The following PAPPA variants were observed in gnomAD, a reference collection of about 807,000 sequenced individuals.
PAPPA encodes the protein pappalysin 1, also known as pappalysin-1.
In PAPPA, 60 loss-of-function variants were observed where a neutral mutation model predicts 164.0. That is an observed-to-expected ratio of 0.37 (90% CI 0.30 to 0.45). The LOEUF (loss-of-function observed/expected upper bound fraction) is 0.45. Among genes scored for constraint, PAPPA ranks in the 20% least tolerant of loss-of-function variants. The pLI, the probability that PAPPA is intolerant of heterozygous loss-of-function variation, is 1.00. For missense variants in PAPPA, 1,782 were observed against 2,087.3 expected (o/e 0.85, Z 2.85); for synonymous variants, 875 against 814.1 (o/e 1.07, Z -1.27).
chr9:116,340,620 G>T (rs1385100954), intron 13 of PAPPA, among the ~76,000 whole-genome samples: 1 of 152,092 alleles, frequency 6.6e-6, no homozygotes, highest in African/African-American at 2.4e-5. Context: ...AAGCCTGCAG[G>T]CCAGGTGCAG....
At chr9:116,197,427 T>C (rs936338211) in intron 2 of PAPPA, among the ~76,000 whole-genome samples, 2 of 152,166 alleles carry the variant, frequency 1.3e-5, no homozygotes, top group African/African-American at 4.8e-5. Context: ...TGAAAAAAAA[T>C]CCTACTCATA....
At chr9:116,364,597 A>G (rs990307439) in intron 18 of PAPPA, among the ~76,000 whole-genome samples, 1 of 152,198 alleles carries the variant, frequency 6.6e-6, no homozygotes, top group Non-Finnish European at 1.5e-5. Flanking sequence ...TTCAACAAAC[A>G]CAAACACATT....
chr9:116,373,889 A>G (rs1429494146), intron 19 of PAPPA, among the ~76,000 whole-genome samples: 1 of 152,056 alleles, frequency 6.6e-6, no homozygotes, highest in African/African-American at 2.4e-5. Flanking sequence ...TCTTGTGTAA[A>G]CCAGAGTCAA....
intron 8 of PAPPA, among the ~76,000 whole-genome samples, chr9:116,269,757 A>T (rs1369171911): frequency 6.6e-6 from 1 of 152,222 alleles, no homozygotes; most frequent in Admixed American, 6.5e-5. Context: ...GAACCAGCCC[A>T]GGTATTTTTT....
rs373533438 is a variant in PAPPA, at chr9:116,367,747, G to A, written c.4598G>A (p.Arg1533Gln). 4.0e-5 allele frequency: 65 copies of A among 1,610,472 alleles called. No homozygotes were observed. Among genetic ancestry groups the A allele is most frequent in the Non-Finnish European group, 5.4e-5 (64 of 1,177,014 alleles). ...ATCCCCCACTGGCTGAACCCCACAC[G>A]GGTAGAGGTGAGTGACCAGGGACAT... ...RDIPHWLNPT[R>Q]VERVVCTAGL... The change falls in exon 19 of 22, where the codon CGG becomes CAG. Residue 1533 changes from arginine (R) to glutamine (Q), a missense_variant. Arg to Gln is a conservative substitution (Grantham distance 43). Coordinates refer to ENST00000328252, the MANE Select transcript of PAPPA (RefSeq NM_002581.5).
At chr9:116,359,957 A>G (rs1032814096) in intron 17 of PAPPA, among the ~76,000 whole-genome samples, 1 of 152,234 alleles carries the variant, frequency 6.6e-6, no homozygotes, top group Non-Finnish European at 1.5e-5. Flanking sequence ...TGCCAGATGA[A>G]CTGGGCAGGA....
intron 2 of PAPPA, among the ~76,000 whole-genome samples, chr9:116,191,198 C>T (rs7848276): frequency 0.036 from 5,550 of 152,206 alleles, 356 homozygotes; most frequent in African/African-American, 0.13. Flanking sequence ...GTTGCAATTA[C>T]AGGAGGCAGC....
rs1166297713 is a variant in PAPPA, at chr9:116,163,292, G to A, written c.415+8705G>A. ...GTCTAGGAATGCTGTGTGGGAGTGG[G>A]GATGCAGGAGGAGAGAGGAGTGGGA... On this transcript the variant is annotated intron_variant, in intron 1 of 21. Coordinates refer to ENST00000328252, the MANE Select transcript of PAPPA (RefSeq NM_002581.5). 1.2e-4 allele frequency among the ~76,000 whole-genome samples: 18 copies of A among 152,324 alleles called. No individual in the cohort carries two copies. In the South Asian group the frequency reaches 3.1e-3, roughly 26 times the overall value.
chr9:116,219,898 T>C, intron 4 of PAPPA, 39 bp from the exon 5 acceptor site: 2 of 1,547,262 alleles, frequency 1.3e-6, no homozygotes, highest in Non-Finnish European at 1.8e-6. Context: ...CTGCCTGCCT[T>C]GCGGCTTGGT....
intron 1 of PAPPA, among the ~76,000 whole-genome samples, chr9:116,172,879 G>C (rs1057137839): frequency 6.6e-6 from 1 of 152,178 alleles, no homozygotes; most frequent in African/African-American, 2.4e-5. Flanking sequence ...TTTGTACTAT[G>C]CATTCCACGA....
intron 1 of PAPPA, among the ~76,000 whole-genome samples, chr9:116,164,358 A>G (rs1564171296): frequency 6.6e-6 from 1 of 152,194 alleles, no homozygotes; most frequent in Non-Finnish European, 1.5e-5. Flanking sequence ...AGATAAAGAA[A>G]ATGTGTTTGT....
At chr9:116,366,936 C>A (rs1234726043) in intron 18 of PAPPA, among the ~76,000 whole-genome samples, 4 of 152,050 alleles carry the variant, frequency 2.6e-5, no homozygotes, top group African/African-American at 7.2e-5. Flanking sequence ...GGGATGAAAC[C>A]CTGGGGCAAG....
At chr9:116,161,720 A>G (rs2118975978) in intron 1 of PAPPA, among the ~76,000 whole-genome samples, 1 of 152,176 alleles carries the variant, frequency 6.6e-6, no homozygotes, top group South Asian at 2.1e-4. Flanking sequence ...AAAAAAAAAA[A>G]AAAAGGTTCT....
chr9:116,312,662 C>T (rs1259243232), intron 10 of PAPPA, among the ~76,000 whole-genome samples: 2 of 152,158 alleles, frequency 1.3e-5, no homozygotes, highest in Non-Finnish European at 2.9e-5. Flanking sequence ...GTTTGTCTTT[C>T]AAGTCCCCTC....
At chr9:116,315,207 CCT>C (rs1186480661) in intron 10 of PAPPA, among the ~76,000 whole-genome samples, 11 of 152,250 alleles carry the variant, frequency 7.2e-5, no homozygotes, top group Non-Finnish European at 1.2e-4. Context: ...TCTGAAATCC[CCT>C]GTTTCATCCC....
intron 4 of PAPPA, among the ~76,000 whole-genome samples, chr9:116,216,574 G>A (rs1193878080): frequency 1.3e-5 from 2 of 152,162 alleles, no homozygotes; most frequent in African/African-American, 2.4e-5. Flanking sequence ...GATATCAAGA[G>A]GGGAGGCACT....
chr9:116,391,993 C>A (rs1363781114), intron 21 of PAPPA, among the ~76,000 whole-genome samples: 3 of 152,180 alleles, frequency 2.0e-5, no homozygotes, highest in African/African-American at 7.2e-5. Context: ...CTGACTCCTG[C>A]TCTGCCGTCC....
intron 2 of PAPPA, among the ~76,000 whole-genome samples, chr9:116,204,658 C>A (rs1166115630): frequency 6.6e-6 from 1 of 152,170 alleles, no homozygotes; most frequent in African/African-American, 2.4e-5. Flanking sequence ...TCAAGCATTC[C>A]TGCCGCCTTG....
chr9:116,207,499 G>C lies in PAPPA; in HGVS notation c.1522G>C (p.Asp508His), dbSNP rs1844251259. The C allele has an allele frequency of 6.2e-7, 1 of 1,612,784 alleles. No individual in the cohort carries two copies. The highest frequency in any genetic ancestry group is 1.3e-5 in the African/African-American group (1 of 74,842). Residue 508 changes from aspartate to histidine, a missense_variant, in exon 3 of 22, where the codon GAT becomes CAT. This residue lies in a region of PAPPA where 1,324 missense variants were observed against 1,656.9 expected (regional missense o/e 0.80). Transcript: ENST00000328252. Reference sequence around the variant, plus strand: ...TGAGCTGAAGAACATTCTTAAATTGGATGGATCAACACATCTCAATATTTT... The same window carrying C: ...TGAGCTGAAGAACATTCTTAAATTGCATGGATCAACACATCTCAATATTTT... ...VNELKNILKL[D>H]GSTHLNIFFA...
Sources: gnomAD v4.1 joint callset for allele counts (sites outside exome capture counted in the v4.1 genomes callset) on GRCh38, gnomAD v4.1.1 for gene constraint, gnomAD v4.1.1 regional missense constraint, MANE v1.5 for transcripts, NCBI Gene and HGNC (gene_info 2026-07-23, HGNC 2026-07-21) for gene names.